The following PDZD2 variants were observed in gnomAD, a reference collection of about 807,000 sequenced individuals.
The protein encoded by PDZD2 is PDZ domain containing 2.
Under a neutral mutation model 220.7 loss-of-function variants are expected in PDZD2, and 90 were observed. The ratio of observed to expected loss-of-function variants is 0.41; its 90% CI spans 0.34 to 0.49. The LOEUF is 0.49. Among genes scored for constraint, PDZD2 ranks in the 20% least tolerant of loss-of-function variants. The pLI, the probability that PDZD2 is intolerant of heterozygous loss-of-function variation, is 0.28. For synonymous variants in PDZD2, 1,375 were observed against 1,450.5 expected, an observed-to-expected ratio of 0.95 and a Z score of 1.18; for missense variants, 3,174 against 3,608.5, an observed-to-expected ratio of 0.88 and a Z score of 3.08.
chr5:31,823,686 C>T (rs1437735068), intron 2 of PDZD2, among the ~76,000 whole-genome samples: 1 of 152,140 alleles, frequency 6.6e-6, no homozygotes, highest in Non-Finnish European at 1.5e-5. Context: ...TGAACTCTGC[C>T]ATCAAGCGGT....
At chr5:31,682,775 G>A (rs1580559282) in intron 1 of PDZD2, among the ~76,000 whole-genome samples, 1 of 151,652 alleles carries the variant, frequency 6.6e-6, no homozygotes, top group East Asian at 1.9e-4. Flanking sequence ...AAGCCCTGCA[G>A]GTGAATTTTT....
In PDZD2 at chr5:31,908,578, C is replaced by T. The variant is rs538664681; in HGVS notation, c.477-74577C>T. The T allele has an allele frequency of 3.1e-5, 30 of 979,280 alleles. 1 individual carries two copies. In the East Asian group the frequency reaches 6.5e-4, roughly 21 times the overall value. The allele number at this position is 979,280 out of a possible 1,614,324, so 60.7% of individuals were successfully genotyped here. On this transcript the variant is annotated intron_variant, in intron 2 of 24. Coordinates refer to ENST00000438447, the MANE Select transcript of PDZD2 (RefSeq NM_178140.4). ...GGCTGGTGTTGATACTGTCATGAAC[C>T]ATCACTTTCAGGAAACTAGCTTCAC...
At chr5:32,012,724 A>G (rs1311342258) in intron 6 of PDZD2, among the ~76,000 whole-genome samples, 1 of 152,072 alleles carries the variant, frequency 6.6e-6, no homozygotes, top group African/African-American at 2.4e-5. Context: ...CCTGCAAAAA[A>G]ACTGCAAGGA....
At chr5:32,095,625 C>T (rs896300695) in intron 21 of PDZD2, among the ~76,000 whole-genome samples, 1 of 150,608 alleles carries the variant, frequency 6.6e-6, no homozygotes, top group African/African-American at 2.4e-5. Flanking sequence ...CAGCTTCTAG[C>T]ATATCTGTGT....
chr5:31,803,576 C>T (rs1754532180), intron 2 of PDZD2, among the ~76,000 whole-genome samples: 1 of 151,794 alleles, frequency 6.6e-6, no homozygotes, highest in African/African-American at 2.4e-5. Context: ...AGAATATTGG[C>T]TTGGTGTGTG....
At chr5:31,645,990 G>A (rs541902373) in intron 1 of PDZD2, among the ~76,000 whole-genome samples, 13 of 152,040 alleles carry the variant, frequency 8.6e-5, no homozygotes, top group Middle Eastern at 3.4e-3. Flanking sequence ...GGAGGCCTCC[G>A]GGCATCCCCA....
At chr5:31,835,017 T>C (rs1272570603) in intron 2 of PDZD2, among the ~76,000 whole-genome samples, 3 of 152,112 alleles carry the variant, frequency 2.0e-5, no homozygotes, top group African/African-American at 7.2e-5. Flanking sequence ...AAACATGAAC[T>C]CTTCAGGAAT....
Position 31,739,054 on chromosome 5 carries a change from T to C in PDZD2, c.-360-59835T>C, listed in dbSNP as rs572167829. 1.1e-4 allele frequency among the ~76,000 whole-genome samples: 17 copies of C among 152,154 alleles called. No homozygotes were observed. In the South Asian group the frequency reaches 3.5e-3, roughly 32 times the overall value. ...GTGTGTGCCACCATACCTGACTAAT[T>C]TTTGTATTTTTAGTAGTGATGGGGT... On this transcript the variant is annotated intron_variant, in intron 1 of 24. Transcript: ENST00000438447.
At chr5:31,756,340 A>G (rs1374251221) in intron 1 of PDZD2, among the ~76,000 whole-genome samples, 2 of 152,264 alleles carry the variant, frequency 1.3e-5, no homozygotes, top group African/African-American at 4.8e-5. Context: ...CTCTGAGGAT[A>G]AGGACCATTT....
In PDZD2 at chr5:31,976,786, T is replaced by G. The variant is rs1749821835; in HGVS notation, c.477-6369T>G. Among the ~76,000 whole-genome samples the G allele has an allele frequency of 2.1e-5, 3 of 143,204 alleles. No individual in the cohort carries two copies. In the South Asian group the frequency reaches 6.9e-4, roughly 33 times the overall value. 93.9% of individuals were successfully genotyped at this position (143,204 alleles called of 152,430 possible). ...AGGCTGGAGTGCCCTGGTGCCATCT[T>G]GGCTCACTGCAACCTCCGATTCCCA... On this transcript the variant is annotated intron_variant, in intron 2 of 24. Coordinates refer to ENST00000438447, the MANE Select transcript of PDZD2 (RefSeq NM_178140.4).
intron 5 of PDZD2, among the ~76,000 whole-genome samples, chr5:32,004,738 A>T (rs1013386122): frequency 6.6e-6 from 1 of 152,258 alleles, no homozygotes; most frequent in African/African-American, 2.4e-5. Context: ...TTATGCAAAT[A>T]AAATATAAAG....
At chr5:31,961,068 C>T (rs979198545) in intron 2 of PDZD2, among the ~76,000 whole-genome samples, 1 of 152,202 alleles carries the variant, frequency 6.6e-6, no homozygotes, top group Admixed American at 6.5e-5. Context: ...ACAAGACTGA[C>T]CCCCTTCTAG....
intron 2 of PDZD2, among the ~76,000 whole-genome samples, chr5:31,839,073 C>T (rs1757115551): frequency 6.6e-6 from 1 of 152,196 alleles, no homozygotes; most frequent in Admixed American, 6.5e-5. Context: ...ACAGGTTGCC[C>T]TCTCCTGCCA....
chr5:31,874,901 C>T (rs571154815), intron 2 of PDZD2, among the ~76,000 whole-genome samples: 1 of 152,116 alleles, frequency 6.6e-6, no homozygotes, highest in Admixed American at 6.6e-5. Flanking sequence ...AAAATTATAA[C>T]AGAAGTCCCC....
chr5:32,036,814 T>G (rs1281562402), intron 6 of PDZD2, among the ~76,000 whole-genome samples: 1 of 152,242 alleles, frequency 6.6e-6, no homozygotes, highest in Non-Finnish European at 1.5e-5. Context: ...ACTTGCATTG[T>G]GGGAAAAAGC....
chr5:31,951,760 T>G (rs1747203303), intron 2 of PDZD2, among the ~76,000 whole-genome samples: 1 of 152,188 alleles, frequency 6.6e-6, no homozygotes, highest in Non-Finnish European at 1.5e-5. Context: ...CTCAGAAAAA[T>G]ACGGTGAATT....
chr5:31,825,542 G>A (rs143607431), intron 2 of PDZD2, among the ~76,000 whole-genome samples: 5 of 152,256 alleles, frequency 3.3e-5, no homozygotes, highest in East Asian at 1.9e-4. Flanking sequence ...TCAGACAGTC[G>A]GTCATGTTCT....
chr5:31,717,184 C>A (rs253928), intron 1 of PDZD2, among the ~76,000 whole-genome samples: 2 of 152,076 alleles, frequency 1.3e-5, no homozygotes, highest in East Asian at 1.9e-4. Flanking sequence ...ATTGAGTGCC[C>A]GTTGTGTCTG....
intron 2 of PDZD2, among the ~76,000 whole-genome samples, chr5:31,980,902 A>G (rs887907378): frequency 1.3e-5 from 2 of 151,904 alleles, no homozygotes; most frequent in East Asian, 1.9e-4. Context: ...TCGTGCCTCA[A>G]TTTTCTGAGT....
Sources: gnomAD v4.1 joint callset for allele counts (sites outside exome capture counted in the v4.1 genomes callset) on GRCh38, gnomAD v4.1.1 for gene constraint, MANE v1.5 for transcripts, NCBI Gene and HGNC (gene_info 2026-07-23, HGNC 2026-07-21) for gene names.